Variants in SPON1 observed in about 807,000 individuals in gnomAD.
SPON1 encodes the protein spondin 1, also known as spondin-1.
Under a neutral mutation model 111.7 loss-of-function variants are expected in SPON1, and 52 were observed. That is an observed-to-expected ratio of 0.47 (90% CI 0.37 to 0.59). The LOEUF (loss-of-function observed/expected upper bound fraction) is 0.59, where lower values mean the gene tolerates loss of function less well. SPON1 is among the 20% of genes least tolerant of loss of function. The pLI is 0.00. For missense variants in SPON1, 957 were observed against 1,068.5 expected (o/e 0.90, Z 1.46); for synonymous variants, 410 against 395.8 (o/e 1.04, Z -0.43).
intron 5 of SPON1, among the ~76,000 whole-genome samples, chr11:14,129,190 C>T (rs1282632773): frequency 6.6e-6 from 1 of 151,782 alleles, no homozygotes; most frequent in African/African-American, 2.4e-5. Context: ...TTTTTCTTAC[C>T]ACATAGGCTG....
chr11:13,968,352 T>C (rs903325471), intron 1 of SPON1, among the ~76,000 whole-genome samples: 3 of 152,180 alleles, frequency 2.0e-5, no homozygotes, highest in Admixed American at 1.3e-4. Context: ...CCTGACATCT[T>C]CTTGCACTCT....
chr11:14,160,549 A>T (rs184144677), intron 6 of SPON1, among the ~76,000 whole-genome samples: 24 of 12,144 alleles, frequency 2.0e-3, no homozygotes, highest in Non-Finnish European at 2.3e-3. Context: ...ATATATATTT[A>T]TATATATATT....
intron 7 of SPON1, among the ~76,000 whole-genome samples, chr11:14,245,527 G>A (rs1848979926): frequency 6.6e-6 from 1 of 152,180 alleles, no homozygotes; most frequent in Admixed American, 6.5e-5. Flanking sequence ...TGGAGCCCCA[G>A]AGCAGGGGCA....
chr11:14,235,654 A>G, intron 6 of SPON1, among the ~76,000 whole-genome samples: 1 of 134,808 alleles, frequency 7.4e-6, no homozygotes, highest in Non-Finnish European at 1.5e-5. Context: ...ACTCCAGCCT[A>G]GGCAACAGAG....
intron 3 of SPON1, among the ~76,000 whole-genome samples, chr11:14,074,906 T>C (rs1372988661): frequency 2.6e-5 from 4 of 152,228 alleles, no homozygotes; most frequent in African/African-American, 9.6e-5. Context: ...TCAAAATATA[T>C]TTTTAAATTC....
chr11:14,030,432 C>T (rs530951899), intron 2 of SPON1, among the ~76,000 whole-genome samples: 9 of 152,248 alleles, frequency 5.9e-5, no homozygotes, highest in South Asian at 4.1e-4. Context: ...GCCACATGCC[C>T]GGTGCCAGAG....
intron 5 of SPON1, among the ~76,000 whole-genome samples, chr11:14,120,162 T>C (rs1465395676): frequency 1.3e-5 from 2 of 152,152 alleles, no homozygotes; most frequent in African/African-American, 2.4e-5. Context: ...ATCTGTAACA[T>C]GAGTTTATTT....
At chr11:13,972,915 T>A (rs896493012) in intron 1 of SPON1, among the ~76,000 whole-genome samples, 4 of 152,156 alleles carry the variant, frequency 2.6e-5, no homozygotes, top group African/African-American at 9.7e-5. Flanking sequence ...TAAATGGGTC[T>A]AGTGACTCAA....
chr11:14,176,298 G>C (rs1299082007), intron 6 of SPON1, among the ~76,000 whole-genome samples: 1 of 152,118 alleles, frequency 6.6e-6, no homozygotes, highest in Non-Finnish European at 1.5e-5. Flanking sequence ...AGAGCTCCAA[G>C]AATATCCCTT....
chr11:14,202,488 A>G (rs1231285082), intron 6 of SPON1, among the ~76,000 whole-genome samples: 2 of 152,138 alleles, frequency 1.3e-5, no homozygotes, highest in African/African-American at 4.8e-5. Flanking sequence ...TGGGGAAGGG[A>G]GGAGGACAAT....
intron 5 of SPON1, among the ~76,000 whole-genome samples, chr11:14,131,393 A>T (rs113646370): frequency 6.6e-6 from 1 of 152,096 alleles, no homozygotes; most frequent in Non-Finnish European, 1.5e-5. Context: ...CACCTATTAG[A>T]TGTTTGAGCC....
At chr11:14,243,704 C>A (rs1205457604) in intron 7 of SPON1, among the ~76,000 whole-genome samples, 1 of 152,210 alleles carries the variant, frequency 6.6e-6, no homozygotes, top group South Asian at 2.1e-4. Context: ...ACAGACCAAA[C>A]ATGCCCTCAC....
At chr11:14,220,553 CTGA>C in intron 6 of SPON1, among the ~76,000 whole-genome samples, 1 of 152,034 alleles carries the variant, frequency 6.6e-6, no homozygotes, top group Admixed American at 6.6e-5. Context: ...TTCAAATTGC[CTGA>C]TAATAGAAAA....
intron 6 of SPON1, among the ~76,000 whole-genome samples, chr11:14,239,662 C>A (rs3919650): frequency 6.6e-6 from 1 of 152,162 alleles, no homozygotes; most frequent in African/African-American, 2.4e-5. Flanking sequence ...GAGGCTGAGC[C>A]TGCAGTGAGC....
chr11:14,131,607 A>C (rs1554927516), intron 5 of SPON1, among the ~76,000 whole-genome samples: 1 of 152,196 alleles, frequency 6.6e-6, no homozygotes, highest in Non-Finnish European at 1.5e-5. Context: ...ACAACTCTTT[A>C]CAGCTTTCAC....
chr11:14,032,649 G>T (rs1218130187), intron 2 of SPON1, among the ~76,000 whole-genome samples: 1 of 152,184 alleles, frequency 6.6e-6, no homozygotes, highest in Non-Finnish European at 1.5e-5. Flanking sequence ...CAAGTAGCTT[G>T]GTGTGGTCAA....
intron 4 of SPON1, among the ~76,000 whole-genome samples, chr11:14,078,653 C>G (rs1483812573): frequency 6.6e-6 from 1 of 152,196 alleles, no homozygotes; most frequent in Non-Finnish European, 1.5e-5. Context: ...TTCACTAACC[C>G]TGTGACCTTG....
chr11:14,179,131 G>A (rs1848211707), intron 6 of SPON1, among the ~76,000 whole-genome samples: 3 of 152,172 alleles, frequency 2.0e-5, no homozygotes, highest in Admixed American at 2.0e-4. Flanking sequence ...AACTCAGTCA[G>A]CTCTGTATTG....
chr11:14,080,488 C>T lies in SPON1; in HGVS notation c.676+467C>T, dbSNP rs544532844. Among the ~76,000 whole-genome samples the T allele has an allele frequency of 7.9e-5, 12 of 152,230 alleles. No individual in the cohort carries two copies. The East Asian group carries it at 1.6e-3, about 20-fold the overall frequency. On this transcript the variant is annotated intron_variant, in intron 5 of 15. Coordinates refer to ENST00000576479, the MANE Select transcript of SPON1 (RefSeq NM_006108.4). Reference sequence around the variant, plus strand: ...AGGTGCTCCACCCACCTTGGCCTCCCGAAGTGCTGGGATTACAGGTGTGAG... The same window carrying T: ...AGGTGCTCCACCCACCTTGGCCTCCTGAAGTGCTGGGATTACAGGTGTGAG...
Sources: gnomAD v4.1 joint callset for allele counts (sites outside exome capture counted in the v4.1 genomes callset) on GRCh38, gnomAD v4.1.1 for gene constraint, MANE v1.5 for transcripts, NCBI Gene and HGNC (gene_info 2026-07-23, HGNC 2026-07-21) for gene names.